Variants in DAB1 observed in about 807,000 individuals in gnomAD.
The protein encoded by DAB1 is DAB adaptor protein 1, also known as disabled homolog 1.
In DAB1, 15 loss-of-function variants were observed where a neutral mutation model predicts 64.6. The ratio of observed to expected loss-of-function variants is 0.23; its 90% CI spans 0.16 to 0.36. The LOEUF is 0.36. Among genes scored for constraint, DAB1 ranks in the 10% least tolerant of loss-of-function variants. The probability of loss-of-function intolerance (pLI) is 1.00; values close to 1 mark genes in which losing one functional copy is unlikely to be tolerated. For synonymous variants in DAB1, 235 were observed against 251.9 expected (o/e 0.93, Z 0.64); for missense variants, 596 against 706.7 (o/e 0.84, Z 1.78).
chr1:58,203,378 T>C (rs1658101782), intron 4 of DAB1, among the ~76,000 whole-genome samples: 1 of 152,228 alleles, frequency 6.6e-6, no homozygotes, highest in South Asian at 2.1e-4. Context: ...AACACCCTCA[T>C]ATTTCTCCTT....
chr1:57,123,585 G>A (rs1656863106), intron 4 of DAB1, among the ~76,000 whole-genome samples: 1 of 152,088 alleles, frequency 6.6e-6, no homozygotes, highest in Non-Finnish European at 1.5e-5. Context: ...CACACATGTT[G>A]ACCTAGTAAT....
chr1:58,066,688 C>T (rs2764680), intron 5 of DAB1, among the ~76,000 whole-genome samples: 151,677 of 152,268 alleles, frequency 1, 75,547 homozygotes, highest in Middle Eastern at 1. Context: ...GGTGGCACCT[C>T]TGACTATTGC....
chr1:57,220,459 C>T (rs1569940384), intron 2 of DAB1, among the ~76,000 whole-genome samples: 1 of 152,164 alleles, frequency 6.6e-6, no homozygotes, highest in East Asian at 1.9e-4. Flanking sequence ...ATAAGACTTC[C>T]TATCCATCAT....
chr1:57,259,378 G>C (rs951305180), intron 2 of DAB1, among the ~76,000 whole-genome samples: 1 of 152,162 alleles, frequency 6.6e-6, no homozygotes, highest in Non-Finnish European at 1.5e-5. Context: ...AGAGTAGGGA[G>C]GACAGTTCTG....
chr1:57,565,147 C>A (rs552809630), intron 7 of DAB1, among the ~76,000 whole-genome samples: 1 of 152,178 alleles, frequency 6.6e-6, no homozygotes, highest in Non-Finnish European at 1.5e-5. Context: ...TAATTTTCAA[C>A]CCAGAATTTC....
intron 1 of DAB1, among the ~76,000 whole-genome samples, chr1:57,309,664 A>G (rs1217211418): frequency 1.3e-5 from 2 of 152,204 alleles, no homozygotes; most frequent in African/African-American, 4.8e-5. Context: ...AAAGCAAACA[A>G]ACCCCAACAA....
At chr1:58,125,260 TG>T (rs1338839421) in intron 5 of DAB1, among the ~76,000 whole-genome samples, 1 of 152,124 alleles carries the variant, frequency 6.6e-6, no homozygotes, top group African/African-American at 2.4e-5. Context: ...GTTTGTACAA[TG>T]TAAAAAACAT....
intron 6 of DAB1, among the ~76,000 whole-genome samples, chr1:57,676,703 T>G (rs2101691202): frequency 6.6e-6 from 1 of 152,312 alleles, no homozygotes; most frequent in South Asian, 2.1e-4. Context: ...CTACCATTAC[T>G]CACCTCCCAA....
chr1:57,821,574 A>G (rs575355289), downstream of DAB1, among the ~76,000 whole-genome samples: 1 of 152,234 alleles, frequency 6.6e-6, no homozygotes, highest in Non-Finnish European at 1.5e-5. Flanking sequence ...CAGATTCCTT[A>G]GGCAGCTCCC....
Position 57,230,433 on chromosome 1 carries a change from A to T in DAB1, c.67+60531T>A, listed in dbSNP as rs565262277. Among the ~76,000 whole-genome samples, 28 of 152,274 alleles carry T rather than the reference A, an allele frequency of 1.8e-4. No homozygotes were observed. The South Asian group carries it at 3.3e-3, about 18-fold the overall frequency. ...AATGTCATTATGATAAGGAAATAGA[A>T]TTACTAAAATTAAGTGGTTATATAG... On this transcript the variant is annotated intron_variant, in intron 2 of 14. Coordinates refer to ENST00000371236, the MANE Select transcript of DAB1 (RefSeq NM_001365792.1).
intron 6 of DAB1, among the ~76,000 whole-genome samples, chr1:57,780,340 G>A (rs1650004886): frequency 6.6e-6 from 1 of 152,086 alleles, no homozygotes; most frequent in Non-Finnish European, 1.5e-5. Flanking sequence ...AAAAGTAATT[G>A]AAGTAGATTA....
chr1:57,673,439 A>G (rs1646530745), intron 6 of DAB1, among the ~76,000 whole-genome samples: 1 of 152,134 alleles, frequency 6.6e-6, no homozygotes, highest in African/African-American at 2.4e-5. Flanking sequence ...GCAAGTTGTT[A>G]GAAAATGTCT....
chr1:57,527,844 G>A (rs562482355), intron 7 of DAB1, among the ~76,000 whole-genome samples: 1 of 152,152 alleles, frequency 6.6e-6, no homozygotes, highest in Admixed American at 6.5e-5. Flanking sequence ...TGACATTTCA[G>A]GTTTAAATCT....
chr1:57,519,105 T>C (rs908424529), intron 7 of DAB1, among the ~76,000 whole-genome samples: 1 of 152,196 alleles, frequency 6.6e-6, no homozygotes, highest in African/African-American at 2.4e-5. Flanking sequence ...GTCCCTGTGA[T>C]AATGGCCCCC....
At chr1:58,119,723 A>G (rs939344170) in intron 5 of DAB1, among the ~76,000 whole-genome samples, 1 of 152,174 alleles carries the variant, frequency 6.6e-6, no homozygotes, top group Non-Finnish European at 1.5e-5. Context: ...AGGCCTGAAA[A>G]TAGGACAACA....
intron 6 of DAB1, among the ~76,000 whole-genome samples, chr1:57,743,640 G>A (rs1329533481): frequency 1.3e-5 from 2 of 152,154 alleles, no homozygotes; most frequent in African/African-American, 4.8e-5. Context: ...TGTTTGAGCA[G>A]GGCCTACAGG....
chr1:57,437,221 A>T (rs1011633969), intron 7 of DAB1, among the ~76,000 whole-genome samples: 1 of 152,010 alleles, frequency 6.6e-6, no homozygotes, highest in African/African-American at 2.4e-5. Flanking sequence ...TCTTGTCCAC[A>T]AGCTGTGAAA....
intron 1 of DAB1, among the ~76,000 whole-genome samples, chr1:57,828,055 C>A (rs1317355049): frequency 6.6e-6 from 1 of 152,182 alleles, no homozygotes; most frequent in Non-Finnish European, 1.5e-5. Context: ...ACGCCATTCT[C>A]CTGCCTCAGC....
chr1:58,493,398 T>G (rs1286268453), intron 3 of DAB1, among the ~76,000 whole-genome samples: 2 of 152,116 alleles, frequency 1.3e-5, no homozygotes, highest in Non-Finnish European at 2.9e-5. Flanking sequence ...TTCAACATAG[T>G]GTTGGAAGTT....
Sources: allele counts gnomAD v4.1 joint callset (sites outside exome capture counted in the v4.1 genomes callset), GRCh38; gene constraint gnomAD v4.1.1; transcripts MANE v1.5; gene names NCBI Gene and HGNC (gene_info 2026-07-23, HGNC 2026-07-21).